EHBP1: variants seen among roughly 807,000 people sequenced by gnomAD.
EHBP1 encodes EH domain binding protein 1.
A neutral mutation model predicts 144.0 loss-of-function variants in EHBP1; 55 were observed. That is an observed-to-expected ratio of 0.38 (90% CI 0.31 to 0.48). EHBP1 has a LOEUF of 0.48. Ranked by LOEUF, EHBP1 falls within the 20% of genes least tolerant of loss-of-function variation. The pLI is 0.98. For synonymous variants in EHBP1, 469 were observed against 472.7 expected, an observed-to-expected ratio of 0.99 and a Z score of 0.10; for missense variants, 1,200 against 1,364.2, an observed-to-expected ratio of 0.88 and a Z score of 1.90.
intron 7 of EHBP1, among the ~76,000 whole-genome samples, chr2:62,843,438 T>A (rs1448279008): frequency 6.6e-6 from 1 of 152,090 alleles, no homozygotes; most frequent in Non-Finnish European, 1.5e-5. Context: ...ATGTAAATTG[T>A]GTGTGTTGAA....
At chr2:63,008,862 TA>T (rs1202348380) in intron 19 of EHBP1, among the ~76,000 whole-genome samples, 1 of 151,664 alleles carries the variant, frequency 6.6e-6, no homozygotes, top group Non-Finnish European at 1.5e-5. Context: ...GTTGAATGAA[TA>T]AGCCCATTAA....
intron 2 of EHBP1, among the ~76,000 whole-genome samples, chr2:62,728,604 G>T (rs2037077894): frequency 2.0e-5 from 3 of 151,466 alleles, no homozygotes; most frequent in African/African-American, 7.3e-5. Flanking sequence ...TTTCCTTTTA[G>T]TGTTGTAAGA....
At chr2:62,691,951 A>T (rs2151747469) in intron 1 of EHBP1, among the ~76,000 whole-genome samples, 1 of 152,258 alleles carries the variant, frequency 6.6e-6, no homozygotes, top group Non-Finnish European at 1.5e-5. Context: ...AATAGTGTAC[A>T]ATTTAGTGGT....
chr2:63,017,173 T>A (rs2060519969), intron 19 of EHBP1, among the ~76,000 whole-genome samples: 1 of 152,150 alleles, frequency 6.6e-6, no homozygotes, highest in South Asian at 2.1e-4. Flanking sequence ...CCATAAAGGA[T>A]GAAATTTGTT....
chr2:62,904,760 T>C (rs971080549), intron 10 of EHBP1, among the ~76,000 whole-genome samples: 1 of 152,158 alleles, frequency 6.6e-6, no homozygotes, highest in African/African-American at 2.4e-5. Context: ...GCAAAGACTA[T>C]TACTCTAACT....
intron 19 of EHBP1, among the ~76,000 whole-genome samples, chr2:63,026,657 A>G (rs1431802094): frequency 6.6e-6 from 1 of 152,192 alleles, no homozygotes; most frequent in African/African-American, 2.4e-5. Context: ...TTGAATGGCC[A>G]TTTCCATTGC....
intron 15 of EHBP1, among the ~76,000 whole-genome samples, chr2:62,980,805 C>A (rs1191558666): frequency 1.3e-5 from 2 of 149,614 alleles, no homozygotes; most frequent in African/African-American, 4.9e-5. Flanking sequence ...ATCACAGGAC[C>A]CTATTGCTAC....
intron 12 of EHBP1, among the ~76,000 whole-genome samples, chr2:62,947,962 T>C (rs1461540519): frequency 6.6e-6 from 1 of 152,188 alleles, no homozygotes; most frequent in Non-Finnish European, 1.5e-5. Flanking sequence ...GTCTAATGTT[T>C]CTTTATACTT....
At chr2:62,965,341 A>T (rs923457639) in intron 14 of EHBP1, among the ~76,000 whole-genome samples, 4 of 152,232 alleles carry the variant, frequency 2.6e-5, no homozygotes, top group Non-Finnish European at 5.9e-5. Flanking sequence ...ATTAAGAAAT[A>T]TGCACGACTA....
intron 10 of EHBP1, among the ~76,000 whole-genome samples, chr2:62,941,760 A>G (rs2056767602): frequency 6.6e-6 from 1 of 152,052 alleles, no homozygotes; most frequent in African/African-American, 2.4e-5. Context: ...TTTAATATGT[A>G]AGGTTTCTTA....
intron 10 of EHBP1, among the ~76,000 whole-genome samples, chr2:62,883,715 G>T (rs2051672722): frequency 6.6e-6 from 1 of 152,174 alleles, no homozygotes; most frequent in Non-Finnish European, 1.5e-5. Flanking sequence ...TGTCATACCA[G>T]CAGTTTGGGA....
intron 19 of EHBP1, among the ~76,000 whole-genome samples, chr2:63,020,948 G>C (rs543619181): frequency 1.4e-5 from 2 of 147,726 alleles, no homozygotes; most frequent in East Asian, 4.0e-4. Context: ...AAAGTGCTGG[G>C]ATTACAGGTA....
chr2:62,762,851 T>G (rs1040408626), intron 3 of EHBP1, among the ~76,000 whole-genome samples: 7 of 152,178 alleles, frequency 4.6e-5, no homozygotes, highest in Admixed American at 1.3e-4. Context: ...TATATTAGAT[T>G]GTCATTCCTC....
At chr2:62,870,730 A>T (rs2050399440) in intron 9 of EHBP1, among the ~76,000 whole-genome samples, 1 of 148,000 alleles carries the variant, frequency 6.8e-6, no homozygotes. Context: ...AAAAAAAAAA[A>T]AAAAATACAT....
intron 10 of EHBP1, among the ~76,000 whole-genome samples, chr2:62,883,691 C>T: frequency 6.6e-6 from 1 of 152,184 alleles, no homozygotes; most frequent in South Asian, 2.1e-4. Context: ...TAGCCAGGCA[C>T]AGTGGCTGAT....
At chr2:62,899,174 C>CA (rs1668244998) in intron 10 of EHBP1, among the ~76,000 whole-genome samples, 1 of 152,168 alleles carries the variant, frequency 6.6e-6, no homozygotes, top group African/African-American at 2.4e-5. Flanking sequence ...GTGGCCTTCA[C>CA]AGAGAAGATG....
At chr2:63,005,389 TAGCAAC>T (rs2059996709) in intron 19 of EHBP1, among the ~76,000 whole-genome samples, 1 of 152,180 alleles carries the variant, frequency 6.6e-6, no homozygotes, top group East Asian at 1.9e-4. Context: ...CTAGCGTGGA[TAGCAAC>T]AGCACCGGCT....
intron 5 of EHBP1, among the ~76,000 whole-genome samples, chr2:62,820,576 C>G (rs2152566208): frequency 6.6e-6 from 1 of 151,496 alleles, no homozygotes; most frequent in East Asian, 1.9e-4. Context: ...TTGCCTATTC[C>G]TCATATAAGT....
chr2:62,731,059 C>G (rs2037548331), intron 2 of EHBP1, among the ~76,000 whole-genome samples: 1 of 151,132 alleles, frequency 6.6e-6, no homozygotes, highest in African/African-American at 2.4e-5. Context: ...GTACAGATAT[C>G]TCTCAATTTA....
Sources: gnomAD v4.1 joint callset for allele counts (sites outside exome capture counted in the v4.1 genomes callset) on GRCh38, gnomAD v4.1.1 for gene constraint, MANE v1.5 for transcripts, NCBI Gene and HGNC (gene_info 2026-07-23, HGNC 2026-07-21) for gene names.